The following ZSWIM5 variants were observed in gnomAD, a reference collection of about 807,000 sequenced individuals.
ZSWIM5 encodes the protein zinc finger SWIM-type containing 5, also known as zinc finger SWIM domain-containing protein 5.
Under a neutral mutation model 119.6 loss-of-function variants are expected in ZSWIM5, and 55 were observed. The observed-to-expected ratio is 0.46, with a 90% CI of 0.37 to 0.58. The LOEUF (loss-of-function observed/expected upper bound fraction) is 0.58. Among genes scored for constraint, ZSWIM5 ranks in the 20% least tolerant of loss-of-function variants. The pLI, the probability that ZSWIM5 is intolerant of heterozygous loss-of-function variation, is 0.00. For missense variants in ZSWIM5, 1,193 were observed against 1,512.8 expected, an observed-to-expected ratio of 0.79 and a Z score of 3.51; for synonymous variants, 537 against 606.9, an observed-to-expected ratio of 0.88 and a Z score of 1.69.
intron 2 of ZSWIM5, among the ~76,000 whole-genome samples, chr1:45,071,707 C>G (rs1645223331): frequency 6.6e-6 from 1 of 152,088 alleles, no homozygotes; most frequent in Non-Finnish European, 1.5e-5. Flanking sequence ...AATCTGCCTG[C>G]TTCGACCTCC....
chr1:45,206,512 C>T lies in ZSWIM5; in HGVS notation c.-162G>A. 1 of 1,087,096 alleles carries T rather than the reference C, an allele frequency of 9.2e-7. No individual in the cohort carries two copies. The highest frequency in any genetic ancestry group is 1.7e-5 in the African/African-American group (1 of 59,728). The allele number at this position is 1,087,096 out of a possible 1,614,324, so 67.3% of individuals were successfully genotyped here. On this transcript the variant is annotated 5_prime_UTR_variant, in exon 1 of 14. Coordinates refer to ENST00000359600, the MANE Select transcript of ZSWIM5 (RefSeq NM_020883.2). ...GCCGGCCCGAGTGGGGAACCGCGGC[C>T]GGGCCCGGGAGCGCGCCGCGAGGGC...
chr1:45,037,107 C>T (rs973428766), intron 8 of ZSWIM5, among the ~76,000 whole-genome samples: 1 of 107,820 alleles, frequency 9.3e-6, no homozygotes, highest in African/African-American at 3.5e-5. Flanking sequence ...AGCCCCACCT[C>T]CTTTTTTTTT....
At chr1:45,022,827 A>G (rs1176979131) in intron 11 of ZSWIM5, among the ~76,000 whole-genome samples, 2 of 152,108 alleles carry the variant, frequency 1.3e-5, no homozygotes, top group African/African-American at 4.8e-5. Flanking sequence ...CTACCATCAT[A>G]CCCTCCCATA....
At chr1:45,055,285 C>T (rs915035856) in intron 4 of ZSWIM5, among the ~76,000 whole-genome samples, 4 of 151,972 alleles carry the variant, frequency 2.6e-5, no homozygotes, top group Admixed American at 6.6e-5. Flanking sequence ...CCACTGTGCC[C>T]GGCCAGTTTT....
chr1:45,168,494 T>TA lies in ZSWIM5; in HGVS notation c.595+37261_595+37262insT, dbSNP rs201583611. 6.6e-3 allele frequency among the ~76,000 whole-genome samples: 971 copies of TA among 147,302 alleles called. 14 individuals are homozygous for TA. The highest frequency in any genetic ancestry group is 0.021 in the African/African-American group (864 of 40,430). On this transcript the variant is annotated intron_variant, in intron 1 of 13. Transcript: ENST00000359600. Reference sequence around the variant, plus strand: ...TTAAAGTATAATAAATATATATATATTTTTTTTAAAAAATACAAAAATTAA... The same window carrying TA: ...TTAAAGTATAATAAATATATATATATATTTTTTTAAAAAATACAAAAATTAA...
chr1:45,163,813 G>A (rs1053930509), intron 1 of ZSWIM5, among the ~76,000 whole-genome samples: 6 of 152,162 alleles, frequency 3.9e-5, no homozygotes, highest in Non-Finnish European at 8.8e-5. Context: ...AGAAATATGG[G>A]ACAATGTGAA....
intron 3 of ZSWIM5, among the ~76,000 whole-genome samples, chr1:45,059,184 C>T (rs1345930706): frequency 2.6e-5 from 4 of 152,136 alleles, no homozygotes; most frequent in Admixed American, 6.5e-5. Context: ...GAACCTTATA[C>T]AAGAATGTTT....
intron 1 of ZSWIM5, among the ~76,000 whole-genome samples, chr1:45,182,403 CAAAA>C (rs1164921724): frequency 8.6e-6 from 1 of 116,900 alleles, no homozygotes; most frequent in East Asian, 2.3e-4. Context: ...GACTCCGTCT[CAAAA>C]AAACAAACAA....
chr1:45,137,193 A>C, intron 1 of ZSWIM5, among the ~76,000 whole-genome samples: 1 of 151,994 alleles, frequency 6.6e-6, no homozygotes, highest in East Asian at 1.9e-4. Context: ...CCTCCCAAGT[A>C]GCTGGAACTC....
chr1:45,157,398 C>G (rs1385674500), intron 1 of ZSWIM5, among the ~76,000 whole-genome samples: 2 of 152,138 alleles, frequency 1.3e-5, no homozygotes, highest in African/African-American at 2.4e-5. Context: ...TGGTTTCGAA[C>G]TCCTGGGCTC....
In ZSWIM5 at chr1:45,087,964, G is replaced by T. The variant is rs369736457; in HGVS notation, c.869C>A (p.Ala290Glu). The T allele has an allele frequency of 1.9e-5, 30 of 1,614,096 alleles. No individual in the cohort carries two copies. The highest frequency in any genetic ancestry group is 1.1e-4 in the East Asian group (5 of 44,894). Residue 290 changes from alanine to glutamate, a missense_variant, in exon 2 of 14, where the codon GCA becomes GAA. Ala to Glu is a moderately radical substitution (Grantham distance 107). Transcript: ENST00000359600. ...AGTAGGAAGAACTTCAGTGTGGTGT[G>T]CCGTGATTAAATATTGAATAAACTT... ...LQKFIQYLIT[A>E]HHTEVLPTAQ...
chr1:45,094,835 T>C (rs1200320841), intron 1 of ZSWIM5, among the ~76,000 whole-genome samples: 2 of 149,216 alleles, frequency 1.3e-5, no homozygotes, highest in African/African-American at 5.0e-5. Flanking sequence ...CAAGATCATA[T>C]CACTGTACTC....
chr1:45,115,064 C>T (rs1645542811), intron 1 of ZSWIM5, among the ~76,000 whole-genome samples: 1 of 152,246 alleles, frequency 6.6e-6, no homozygotes, highest in African/African-American at 2.4e-5. Flanking sequence ...GACACAGTAA[C>T]AATCCGATTT....
intron 1 of ZSWIM5, among the ~76,000 whole-genome samples, chr1:45,144,505 T>C (rs1209007524): frequency 2.0e-5 from 3 of 152,132 alleles, no homozygotes; most frequent in Non-Finnish European, 4.4e-5. Flanking sequence ...TACTGGACTC[T>C]AGGCTGGACA....
intron 4 of ZSWIM5, among the ~76,000 whole-genome samples, chr1:45,052,389 G>C (rs1240516975): frequency 1.3e-5 from 2 of 152,054 alleles, no homozygotes; most frequent in African/African-American, 4.8e-5. Flanking sequence ...AAGTACATTT[G>C]GACACTATTT....
At chr1:45,176,687 C>T (rs1445857791) in intron 1 of ZSWIM5, among the ~76,000 whole-genome samples, 1 of 152,042 alleles carries the variant, frequency 6.6e-6, no homozygotes, top group African/African-American at 2.4e-5. Flanking sequence ...ACAGCTCCTC[C>T]CTGCCAATAA....
At chr1:45,038,874 G>A (rs1645001827) in intron 8 of ZSWIM5, 62 bp downstream of exon 8, 4 of 1,599,542 alleles carry the variant, frequency 2.5e-6, no homozygotes, top group Admixed American at 1.7e-5. Context: ...AGGATTACAG[G>A]TGTGAGCCAC....
At chr1:45,143,846 T>C (rs1332925225) in intron 1 of ZSWIM5, among the ~76,000 whole-genome samples, 1 of 151,898 alleles carries the variant, frequency 6.6e-6, no homozygotes, top group African/African-American at 2.4e-5. Flanking sequence ...TATTTCTTTA[T>C]GCTAGCAATA....
chr1:45,175,744 A>C (rs1570181537), intron 1 of ZSWIM5, among the ~76,000 whole-genome samples: 1 of 151,310 alleles, frequency 6.6e-6, no homozygotes, highest in Non-Finnish European at 1.5e-5. Flanking sequence ...GAACCATGGC[A>C]CCTGGCCTTT....
Sources: gnomAD v4.1 joint callset for allele counts (sites outside exome capture counted in the v4.1 genomes callset) on GRCh38, gnomAD v4.1.1 for gene constraint, MANE v1.5 for transcripts, NCBI Gene and HGNC (gene_info 2026-07-23, HGNC 2026-07-21) for gene names.